The following WDPCP variants were observed in gnomAD, a reference collection of about 807,000 sequenced individuals.
The protein encoded by WDPCP is WD repeat-containing and planar cell polarity effector protein fritz homolog.
In WDPCP, 71 loss-of-function variants were observed where a neutral mutation model predicts 93.1. The observed-to-expected ratio is 0.76, with a 90% CI of 0.63 to 0.93. WDPCP has a LOEUF of 0.93. Among genes scored for constraint, WDPCP ranks in the 40% least tolerant of loss-of-function variants. The probability of loss-of-function intolerance (pLI) is 0.00; values close to 1 mark genes in which losing one functional copy is unlikely to be tolerated. For synonymous variants in WDPCP, 315 were observed against 315.0 expected, an observed-to-expected ratio of 1.00 and a Z score of 0.00; for missense variants, 844 against 887.4, an observed-to-expected ratio of 0.95 and a Z score of 0.62.
intron 2 of WDPCP, among the ~76,000 whole-genome samples, chr2:63,674,272 ATAGACC>A (rs1416817668): frequency 1.3e-5 from 2 of 152,240 alleles, no homozygotes; most frequent in Admixed American, 6.5e-5. Context: ...AGATTACTAT[ATAGACC>A]TATGTAGAGT....
intron 12 of WDPCP, among the ~76,000 whole-genome samples, chr2:63,352,666 G>A (rs955399504): frequency 1.3e-5 from 2 of 152,192 alleles, no homozygotes; most frequent in African/African-American, 4.8e-5. Flanking sequence ...GCAAAGAGGA[G>A]AAGAACGTGG....
At chr2:63,142,776 A>G (rs996925971) in intron 17 of WDPCP, among the ~76,000 whole-genome samples, 5 of 151,810 alleles carry the variant, frequency 3.3e-5, no homozygotes, top group Admixed American at 3.3e-4. Context: ...TCTTAGGTCT[A>G]TTAGTAATTG....
intron 2 of WDPCP, among the ~76,000 whole-genome samples, chr2:63,661,074 T>C (rs913562353): frequency 2.6e-5 from 4 of 152,202 alleles, no homozygotes; most frequent in Admixed American, 6.5e-5. Context: ...GAGTTATCTA[T>C]TGCTATGCAA....
At chr2:63,347,551 G>C (rs1407794672) in intron 12 of WDPCP, among the ~76,000 whole-genome samples, 1 of 152,092 alleles carries the variant, frequency 6.6e-6, no homozygotes, top group South Asian at 2.1e-4. Flanking sequence ...AAAGAATTAA[G>C]TATTTGCCCC....
At chr2:63,292,419 T>G (rs1206627176) in intron 13 of WDPCP, among the ~76,000 whole-genome samples, 2 of 152,114 alleles carry the variant, frequency 1.3e-5, no homozygotes, top group African/African-American at 4.8e-5. Context: ...TTTTTTGTTT[T>G]TAGTAAATAT....
At chr2:63,484,561 C>T in intron 6 of WDPCP, 43 bp downstream of exon 6, 1 of 1,608,504 alleles carries the variant, frequency 6.2e-7, no homozygotes, top group Non-Finnish European at 8.5e-7. Flanking sequence ...TAGTTTTCAG[C>T]TCCATTGGTT....
intron 14 of WDPCP, chr2:63,228,556 A>G (rs1678516294): frequency 6.6e-6 from 1 of 151,790 alleles, no homozygotes; most frequent in Non-Finnish European, 1.5e-5. Flanking sequence ...AGCATTAGGT[A>G]TATCTCCTAA....
chr2:63,456,104 T>C (rs1388967802), intron 6 of WDPCP, among the ~76,000 whole-genome samples: 1 of 152,092 alleles, frequency 6.6e-6, no homozygotes, highest in Admixed American at 6.6e-5. Context: ...CAGATGGAAA[T>C]TGAAAAATAT....
At chr2:63,356,982 A>G (rs952337769) in intron 12 of WDPCP, among the ~76,000 whole-genome samples, 1 of 152,154 alleles carries the variant, frequency 6.6e-6, no homozygotes, top group Non-Finnish European at 1.5e-5. Flanking sequence ...CACATCCACA[A>G]CCATCTAACC....
chr2:63,221,502 A>G (rs1245759903), intron 14 of WDPCP, among the ~76,000 whole-genome samples: 1 of 152,212 alleles, frequency 6.6e-6, no homozygotes, highest in African/African-American at 2.4e-5. Flanking sequence ...GTCATCCTTG[A>G]GAGGACATGT....
At chr2:63,641,880 G>A (rs1709983793) in intron 3 of WDPCP, among the ~76,000 whole-genome samples, 3 of 152,050 alleles carry the variant, frequency 2.0e-5, no homozygotes, top group South Asian at 4.1e-4. Context: ...CACCAATGTC[G>A]TGGAGACTTT....
chr2:63,368,004 TAGAC>T (rs1691052662), intron 12 of WDPCP, among the ~76,000 whole-genome samples: 1 of 152,200 alleles, frequency 6.6e-6, no homozygotes, highest in South Asian at 2.1e-4. Flanking sequence ...ACCTCAGATT[TAGAC>T]AGATGACCCT....
intron 3 of WDPCP, among the ~76,000 whole-genome samples, chr2:63,603,386 TA>T (rs1709466088): frequency 6.6e-6 from 1 of 152,214 alleles, no homozygotes; most frequent in Non-Finnish European, 1.5e-5. Context: ...ATGCTTTATT[TA>T]TGTGTGCTAA....
chr2:63,532,046 C>A (rs929858914), intron 1 of WDPCP, among the ~76,000 whole-genome samples: 2 of 152,034 alleles, frequency 1.3e-5, no homozygotes, highest in Non-Finnish European at 2.9e-5. Flanking sequence ...AACCATGGCA[C>A]GAGAACTACG....
chr2:63,342,609 G>A (rs148305724), intron 12 of WDPCP, among the ~76,000 whole-genome samples: 232 of 152,084 alleles, frequency 1.5e-3, no homozygotes, highest in African/African-American at 4.9e-3. Context: ...TCACACCAAC[G>A]TAGCTTCAAT....
intron 14 of WDPCP, among the ~76,000 whole-genome samples, chr2:63,238,009 A>G (rs1203565316): frequency 6.6e-6 from 1 of 152,008 alleles, no homozygotes; most frequent in Non-Finnish European, 1.5e-5. Context: ...TTCTAAAAAA[A>G]AAAACAACAA....
chr2:63,125,380 A>G (rs1426330006), intron 17 of WDPCP, among the ~76,000 whole-genome samples: 1 of 152,226 alleles, frequency 6.6e-6, no homozygotes, highest in African/African-American at 2.4e-5. Context: ...TTTACCTTAT[A>G]AAGAGGAGTT....
chr2:63,186,669 C>T (rs533971491), intron 14 of WDPCP, among the ~76,000 whole-genome samples: 8 of 152,308 alleles, frequency 5.3e-5, no homozygotes, highest in Admixed American at 3.3e-4. Context: ...TCTACCATAT[C>T]GGGGACTTCA....
chr2:63,314,385 G>A (rs116473556), intron 12 of WDPCP, among the ~76,000 whole-genome samples: 4,902 of 152,062 alleles, frequency 0.032, 236 homozygotes, highest in African/African-American at 0.11. Context: ...GCCCAGGCTG[G>A]TCTCAAATTC....
Sources: allele counts gnomAD v4.1 joint callset (sites outside exome capture counted in the v4.1 genomes callset), GRCh38; gene constraint gnomAD v4.1.1; transcripts MANE v1.5; gene names NCBI Gene and HGNC (gene_info 2026-07-23, HGNC 2026-07-21).